Variants in NRG3 observed in about 807,000 individuals in gnomAD.
NRG3 encodes the protein neuregulin 3, also known as pro-neuregulin-3, membrane-bound isoform.
A neutral mutation model predicts 66.9 loss-of-function variants in NRG3; 31 were observed. The observed-to-expected ratio is 0.46, with a 90% CI of 0.35 to 0.63. NRG3 has a LOEUF of 0.63. Among genes scored for constraint, NRG3 ranks in the 20% least tolerant of loss-of-function variants. The pLI, the probability that NRG3 is intolerant of heterozygous loss-of-function variation, is 0.00. For synonymous variants in NRG3, 393 were observed against 359.4 expected, an observed-to-expected ratio of 1.09 and a Z score of -1.06; for missense variants, 910 against 878.9, an observed-to-expected ratio of 1.04 and a Z score of -0.45.
chr10:82,281,708 A>G (rs535448354), intron 1 of NRG3, among the ~76,000 whole-genome samples: 2 of 152,234 alleles, frequency 1.3e-5, no homozygotes, highest in South Asian at 2.1e-4. Flanking sequence ...TTTCCCTGAT[A>G]TGGCCAGATA....
intron 1 of NRG3, among the ~76,000 whole-genome samples, chr10:82,055,273 G>A (rs964022918): frequency 4.6e-5 from 7 of 151,776 alleles, no homozygotes; most frequent in Admixed American, 2.0e-4. Flanking sequence ...TCAGGAGATC[G>A]AGACAATCCT....
intron 1 of NRG3, among the ~76,000 whole-genome samples, chr10:81,911,933 A>G (rs772891854): frequency 1.3e-5 from 2 of 152,146 alleles, no homozygotes; most frequent in Non-Finnish European, 2.9e-5. Flanking sequence ...TAGAATTGCC[A>G]TTATGCTTCT....
intron 2 of NRG3, among the ~76,000 whole-genome samples, chr10:82,463,222 C>T (rs1342531517): frequency 6.6e-6 from 1 of 152,198 alleles, no homozygotes; most frequent in Non-Finnish European, 1.5e-5. Context: ...TGTCATCTTT[C>T]ACATGGCAGA....
chr10:82,468,093 C>T (rs1286815997), intron 2 of NRG3, among the ~76,000 whole-genome samples: 4 of 152,142 alleles, frequency 2.6e-5, no homozygotes, highest in African/African-American at 9.7e-5. Flanking sequence ...TATTAGTGTC[C>T]TCTTTATATA....
chr10:82,308,781 C>T (rs540707989), intron 1 of NRG3, among the ~76,000 whole-genome samples: 45 of 152,232 alleles, frequency 3.0e-4, no homozygotes, highest in Admixed American at 2.7e-3. Context: ...ATTTTCTTTT[C>T]TCAGCTCTCT....
chr10:82,089,864 C>T (rs1029204135), intron 1 of NRG3, among the ~76,000 whole-genome samples: 4 of 152,162 alleles, frequency 2.6e-5, no homozygotes, highest in African/African-American at 9.7e-5. Context: ...CCAACATAAG[C>T]ATTACACTTA....
chr10:82,267,017 T>G (rs1489406374), intron 1 of NRG3, among the ~76,000 whole-genome samples: 2 of 152,182 alleles, frequency 1.3e-5, no homozygotes, highest in African/African-American at 4.8e-5. Context: ...ATTCTACCCC[T>G]GAACAATTAA....
chr10:82,647,262 T>G (rs1302367459), intron 2 of NRG3, among the ~76,000 whole-genome samples: 3 of 152,156 alleles, frequency 2.0e-5, no homozygotes, highest in Non-Finnish European at 4.4e-5. Context: ...GTGTTTGGTT[T>G]TTTGTTCTTG....
chr10:81,894,181 A>C (rs1174432819), intron 1 of NRG3, among the ~76,000 whole-genome samples: 1 of 152,092 alleles, frequency 6.6e-6, no homozygotes. Flanking sequence ...TCTCCACTAA[A>C]AATACAAAAA....
intron 2 of NRG3, among the ~76,000 whole-genome samples, chr10:82,441,525 A>G (rs1216405645): frequency 6.6e-6 from 1 of 152,158 alleles, no homozygotes; most frequent in African/African-American, 2.4e-5. Flanking sequence ...AGTTGTATAA[A>G]TATCAGTACT....
intron 1 of NRG3, among the ~76,000 whole-genome samples, chr10:82,121,375 A>G (rs577324150): frequency 2.4e-4 from 36 of 152,280 alleles, no homozygotes; most frequent in Non-Finnish European, 4.0e-4. Context: ...GACTTGATCA[A>G]TGTCTTGGTT....
At chr10:82,423,773 A>C (rs2089235612) in intron 2 of NRG3, among the ~76,000 whole-genome samples, 1 of 152,018 alleles carries the variant, frequency 6.6e-6, no homozygotes, top group African/African-American at 2.4e-5. Context: ...TTCATCACTC[A>C]GAAAGAAACC....
At chr10:82,761,217 C>A (rs2059292267) in intron 3 of NRG3, among the ~76,000 whole-genome samples, 1 of 151,994 alleles carries the variant, frequency 6.6e-6, no homozygotes, top group Non-Finnish European at 1.5e-5. Flanking sequence ...AAACTGACTT[C>A]TATTTTATCA....
rs778737353 is a variant in NRG3, at chr10:81,875,980, G to A, written c.640G>A (p.Gly214Arg). The A allele has an allele frequency of 6.2e-7, 1 of 1,614,044 alleles. No homozygotes were observed. The highest frequency in any genetic ancestry group is 1.7e-5 in the Admixed American group (1 of 60,024). The change falls in exon 1 of 9, where the codon GGA becomes AGA. Residue 214 changes from glycine to arginine, a missense_variant. Gly to Arg is a moderately radical substitution (Grantham distance 125). Coordinates refer to ENST00000372141, the MANE Select transcript of NRG3 (RefSeq NM_001010848.4). This position sits in a 1 kb window ranked among gnomAD's most constrained non-coding sequence, Gnocchi z 5.3. ...GCTGGGCTCCCGACCCCCGGTGCCA[G>A]GAACTCCAAGTACCCAGGCAATGCC... The part of the protein sequence containing the change: ...STLGSRPPVP[G>R]TPSTQAMPSW...
At chr10:82,507,010 G>A (rs1237344419) in intron 2 of NRG3, among the ~76,000 whole-genome samples, 2 of 152,216 alleles carry the variant, frequency 1.3e-5, no homozygotes, top group African/African-American at 4.8e-5. Context: ...ATGCTGTAAG[G>A]ACTGCTGTTC....
At chr10:82,907,279 C>A (rs561515917) in intron 4 of NRG3, among the ~76,000 whole-genome samples, 1 of 152,170 alleles carries the variant, frequency 6.6e-6, no homozygotes, top group Non-Finnish European at 1.5e-5. Context: ...ATTTATTTGA[C>A]ATTATACAGA....
chr10:82,313,758 T>A (rs2081155213), intron 1 of NRG3, among the ~76,000 whole-genome samples: 1 of 152,152 alleles, frequency 6.6e-6, no homozygotes, highest in Non-Finnish European at 1.5e-5. Flanking sequence ...GAGGCCTTTG[T>A]AGAGCTGACT....
intron 1 of NRG3, among the ~76,000 whole-genome samples, chr10:82,095,855 A>G (rs1465585139): frequency 6.6e-6 from 1 of 152,250 alleles, no homozygotes; most frequent in Non-Finnish European, 1.5e-5. Context: ...TATGCCAGCC[A>G]TGAATGAATT....
At chr10:82,631,252 A>G (rs1173324764) in intron 2 of NRG3, among the ~76,000 whole-genome samples, 1 of 152,172 alleles carries the variant, frequency 6.6e-6, no homozygotes, top group Non-Finnish European at 1.5e-5. Flanking sequence ...TTGTAAATGG[A>G]TATGACAGAC....
Sources: allele counts gnomAD v4.1 joint callset (sites outside exome capture counted in the v4.1 genomes callset), GRCh38; gene constraint gnomAD v4.1.1; non-coding constraint Gnocchi (gnomAD v3.1); transcripts MANE v1.5; gene names NCBI Gene and HGNC (gene_info 2026-07-23, HGNC 2026-07-21).